The following PYROXD2 variants were observed in gnomAD, a reference collection of about 807,000 sequenced individuals.
PYROXD2 encodes pyridine nucleotide-disulphide oxidoreductase domain 2, also known as pyridine nucleotide-disulfide oxidoreductase domain-containing protein 2.
Under a neutral mutation model 71.1 loss-of-function variants are expected in PYROXD2, and 69 were observed. That is an observed-to-expected ratio of 0.97 (90% CI 0.80 to 1.19). The LOEUF (loss-of-function observed/expected upper bound fraction) is 1.19, where lower values mean the gene tolerates loss of function less well. PYROXD2 is among the 50% of genes most tolerant of loss of function. The probability of loss-of-function intolerance (pLI) is 0.00; values close to 1 mark genes in which losing one functional copy is unlikely to be tolerated. For missense variants in PYROXD2, 745 were observed against 748.9 expected, an observed-to-expected ratio of 0.99 and a Z score of 0.06; for synonymous variants, 287 against 302.7, an observed-to-expected ratio of 0.95 and a Z score of 0.54.
At chr10:98,391,523 C>T (rs958209455) in intron 10 of PYROXD2, among the ~76,000 whole-genome samples, 2 of 152,104 alleles carry the variant, frequency 1.3e-5, no homozygotes, top group African/African-American at 4.8e-5. Flanking sequence ...GCTTCATGTG[C>T]GTATACATGT....
intron 12 of PYROXD2, 24 bp from the exon 13 acceptor site, chr10:98,388,532 C>A: frequency 6.4e-7 from 1 of 1,555,084 alleles, no homozygotes; most frequent in South Asian, 1.2e-5. Context: ...GAGGAGACGG[C>A]AGGTCTAAAG....
chr10:98,408,851 G>A (rs543661575), intron 2 of PYROXD2, among the ~76,000 whole-genome samples: 1 of 152,136 alleles, frequency 6.6e-6, no homozygotes, highest in African/African-American at 2.4e-5. Context: ...ACATTGTCTT[G>A]TTTAATTTTT....
Position 98,407,565 on chromosome 10 carries a change from C to T in PYROXD2, c.315+17G>A, listed in dbSNP as rs11189595. ...GCCTCCTCCCTCCGTGCAATCGGGCCGGCGGGGGGGCCCTACCTTCAGCTC... is the reference window on the plus strand; with the variant it reads ...GCCTCCTCCCTCCGTGCAATCGGGCTGGCGGGGGGGCCCTACCTTCAGCTC... On this transcript the variant is annotated intron_variant, in intron 4 of 15. Transcript: ENST00000370575. 0.24 allele frequency: 385,911 copies of T among 1,596,638 alleles called. 51,035 individuals are homozygous for T. The highest frequency in any genetic ancestry group is 0.4 in the South Asian group (36,318 of 89,708).
At chr10:98,396,471 AT>A (rs111652430) in intron 6 of PYROXD2, among the ~76,000 whole-genome samples, 1 of 151,870 alleles carries the variant, frequency 6.6e-6, no homozygotes, top group African/African-American at 2.4e-5. Flanking sequence ...GAAACAAATG[AT>A]TTTTTTTCTA....
chr10:98,400,529 G>A (rs1843359845), intron 4 of PYROXD2, among the ~76,000 whole-genome samples: 1 of 151,844 alleles, frequency 6.6e-6, no homozygotes. Context: ...ACCACGCCAT[G>A]CCATGCCACA....
intron 12 of PYROXD2, among the ~76,000 whole-genome samples, chr10:98,389,589 T>C (rs1079179): frequency 0.44 from 66,565 of 151,974 alleles, 15,328 homozygotes; most frequent in African/African-American, 0.56. Flanking sequence ...GTGCCTCCTA[T>C]ACAGCAGCAC....
At chr10:98,414,980 C>T in intron 1 of PYROXD2, 29 bp downstream of exon 1, 1 of 1,609,664 alleles carries the variant, frequency 6.2e-7, no homozygotes, top group Non-Finnish European at 8.5e-7. Flanking sequence ...CGCCCCTCAG[C>T]TCTGGCCCGG....
intron 2 of PYROXD2, among the ~76,000 whole-genome samples, chr10:98,409,083 T>C (rs1369217535): frequency 6.6e-6 from 1 of 152,210 alleles, no homozygotes; most frequent in Non-Finnish European, 1.5e-5. Context: ...GGCTGAGGCC[T>C]GGCACGCAAG....
rs189787470 is a variant in PYROXD2, at chr10:98,407,569, G to C, written c.315+13C>G. On this transcript the variant is annotated intron_variant, in intron 4 of 15. Transcript: ENST00000370575. ...CCTCCCTCCGTGCAATCGGGCCGGC[G>C]GGGGGGCCCTACCTTCAGCTCCAGA... 91 of 1,610,890 alleles carry C rather than the reference G, an allele frequency of 5.6e-5. 1 individual carries two copies. In the South Asian group the frequency reaches 9.2e-4, roughly 16 times the overall value.
chr10:98,412,788 T>A (rs933448065), intron 1 of PYROXD2, among the ~76,000 whole-genome samples: 1 of 152,102 alleles, frequency 6.6e-6, no homozygotes, highest in African/African-American at 2.4e-5. Flanking sequence ...TCACTCGCAC[T>A]TGTAGGCAAG....
intron 8 of PYROXD2, among the ~76,000 whole-genome samples, chr10:98,393,347 G>A (rs1843017235): frequency 6.6e-6 from 1 of 152,134 alleles, no homozygotes; most frequent in Non-Finnish European, 1.5e-5. Flanking sequence ...GCCCTCTCCT[G>A]AGCTCCAGCT....
intron 4 of PYROXD2, among the ~76,000 whole-genome samples, chr10:98,402,820 T>C (rs958141782): frequency 9.2e-5 from 14 of 152,332 alleles, no homozygotes; most frequent in South Asian, 6.2e-4. Flanking sequence ...TCTCCCCAAG[T>C]AGAATGTAAG....
In PYROXD2 at chr10:98,407,573, G is replaced by A. The variant is rs1564809958; in HGVS notation, c.315+9C>T. On this transcript the variant is annotated intron_variant, in intron 4 of 15. Transcript: ENST00000370575. ...CCTCCGTGCAATCGGGCCGGCGGGG[G>A]GGCCCTACCTTCAGCTCCAGATCAG... is the stretch of plus-strand genomic sequence containing the variant. 2 of 1,613,364 alleles carry A rather than the reference G, an allele frequency of 1.2e-6. No homozygotes were observed. The highest frequency in any genetic ancestry group is 8.5e-7 in the Non-Finnish European group (1 of 1,179,986).
intron 6 of PYROXD2, among the ~76,000 whole-genome samples, chr10:98,396,352 C>T (rs1843178502): frequency 6.6e-6 from 1 of 152,188 alleles, no homozygotes; most frequent in Admixed American, 6.5e-5. Context: ...ACGAGAGGTA[C>T]CTGGAGCAGA....
intron 13 of PYROXD2, chr10:98,387,826 G>T (rs2135923177): frequency 5.7e-6 from 1 of 176,080 alleles, no homozygotes; most frequent in East Asian, 1.8e-4. Flanking sequence ...TAGCTACGGG[G>T]TTTCACCATG....
chr10:98,392,997 G>A lies in PYROXD2; in HGVS notation c.872C>T (p.Ser291Phe). 1 of 1,613,638 alleles carries A rather than the reference G, an allele frequency of 6.2e-7. No homozygotes were observed. The highest frequency in any genetic ancestry group is 8.5e-7 in the Non-Finnish European group (1 of 1,179,642). Residue 291 changes from serine (S) to phenylalanine (F), a missense_variant, in exon 9 of 16, where the codon TCT becomes TTT. Ser to Phe is a radical substitution (Grantham distance 155, BLOSUM62 -2). Coordinates refer to ENST00000370575, the MANE Select transcript of PYROXD2 (RefSeq NM_032709.3). ...GYVQGGMGALSDAIASSATTH... is the reference protein window; with the variant it reads ...GYVQGGMGALFDAIASSATTH... ...GGTGGCTGAGCTTGCGATCGCATCA[G>A]AGAGGGCACCCATGCCCCCCTGGAC...
chr10:98,390,552 G>A, intron 12 of PYROXD2, 46 bp downstream of exon 12: 1 of 1,520,222 alleles, frequency 6.6e-7, no homozygotes, highest in Non-Finnish European at 8.8e-7. Context: ...CGCCTCCCAG[G>A]CCCATGTGGA....
rs775614296 is a variant in PYROXD2, at chr10:98,388,370, G to C, written c.1431C>G (p.Asp477Glu). 26 of 1,613,610 alleles carry C rather than the reference G, an allele frequency of 1.6e-5. No homozygotes were observed. The highest frequency in any genetic ancestry group is 3.3e-5 in the Admixed American group (2 of 59,952). The stretch of plus-strand genomic sequence containing the variant: ...TGTCTTTACCTCTGTCTGCATAAGC[G>C]TCTCTCTCCTGCTCGTCCCAGGCCT... ...GGKAWDEQER[D>E]AYADRVFDCI... The change falls in exon 13 of 16, where the codon GAC (aspartate) becomes GAG (glutamate). Residue 477 changes from aspartate (D) to glutamate (E), a missense_variant. Asp to Glu is a conservative substitution (Grantham distance 45). Transcript: ENST00000370575.
intron 4 of PYROXD2, among the ~76,000 whole-genome samples, chr10:98,403,517 C>T (rs1362783274): frequency 6.6e-6 from 1 of 152,218 alleles, no homozygotes; most frequent in African/African-American, 2.4e-5. Flanking sequence ...AGTCCTGCCC[C>T]TCCCACCCCC....
Sources: gnomAD v4.1 joint callset for allele counts (sites outside exome capture counted in the v4.1 genomes callset) on GRCh38, gnomAD v4.1.1 for gene constraint, MANE v1.5 for transcripts, NCBI Gene and HGNC (gene_info 2026-07-23, HGNC 2026-07-21) for gene names.